The following KIF26B variants were observed in gnomAD, a reference collection of about 807,000 sequenced individuals.
The protein encoded by KIF26B is kinesin family member 26B.
In KIF26B, 63 loss-of-function variants were observed where a neutral mutation model predicts 151.2. The ratio of observed to expected loss-of-function variants is 0.42; its 90% CI spans 0.34 to 0.51. The LOEUF (loss-of-function observed/expected upper bound fraction) is 0.51. Among genes scored for constraint, KIF26B ranks in the 20% least tolerant of loss-of-function variants. KIF26B has a pLI of 0.07. For missense variants in KIF26B, 2,813 were observed against 2,913.6 expected, an observed-to-expected ratio of 0.97 and a Z score of 0.79; for synonymous variants, 1,357 against 1,262.1, an observed-to-expected ratio of 1.08 and a Z score of -1.59.
chr1:245,530,614 G>A (rs147111887), intron 4 of KIF26B, among the ~76,000 whole-genome samples: 185 of 152,328 alleles, frequency 1.2e-3, no homozygotes, highest in African/African-American at 4.4e-3. Context: ...TTTTATGTGT[G>A]CTGCCCAGAT....
At chr1:245,607,612 G>A in intron 6 of KIF26B, 39 bp from the exon 7 acceptor site, 1 of 1,538,222 alleles carries the variant, frequency 6.5e-7, no homozygotes, top group Non-Finnish European at 8.9e-7. Flanking sequence ...TCCGCTGCGA[G>A]GTCCATTCAC....
chr1:245,202,455 CTGTT>C (rs1573705233), intron 2 of KIF26B, among the ~76,000 whole-genome samples: 1 of 152,126 alleles, frequency 6.6e-6, no homozygotes, highest in Non-Finnish European at 1.5e-5. Context: ...CTCAGTTTCT[CTGTT>C]TGAAAATGGG....
chr1:245,250,813 T>A (rs533614285), intron 2 of KIF26B, among the ~76,000 whole-genome samples: 21 of 152,234 alleles, frequency 1.4e-4, no homozygotes, highest in Non-Finnish European at 2.5e-4. Context: ...TTTTAGGATA[T>A]TTGAATGTAA....
chr1:245,602,727 C>A lies in KIF26B; in HGVS notation c.1501C>A (p.Gln501Lys). 2 of 1,614,046 alleles carry A rather than the reference C, an allele frequency of 1.2e-6. No homozygotes were observed. The highest frequency in any genetic ancestry group is 2.2e-5 in the South Asian group (2 of 91,072). ...GQNAFQKRGN[Q>K]VPPKMFAFDA... ...AAATGCCTTCCAAAAGAGAGGCAAC[C>A]AGGTTCCTCCAAAGATGTTTGCCTT... Residue 501 changes from glutamine to lysine, a missense_variant, in exon 6 of 15, where the codon CAG becomes AAG. Coordinates refer to ENST00000407071, the MANE Select transcript of KIF26B (RefSeq NM_018012.4). This position sits in a 1 kb window ranked among gnomAD's most constrained non-coding sequence, Gnocchi z 4.5.
At chr1:245,188,441 C>A (rs1260456039) in intron 2 of KIF26B, among the ~76,000 whole-genome samples, 9 of 152,254 alleles carry the variant, frequency 5.9e-5, no homozygotes, top group African/African-American at 2.2e-4. Context: ...ATCTTACTTT[C>A]CTACCATCAT....
chr1:245,596,845 C>T (rs914592588), intron 5 of KIF26B, among the ~76,000 whole-genome samples: 1 of 152,160 alleles, frequency 6.6e-6, no homozygotes, highest in Non-Finnish European at 1.5e-5. Flanking sequence ...TATTTAGGAT[C>T]ATTAGCTCTG....
chr1:245,617,200 G>A (rs753618255), intron 9 of KIF26B, among the ~76,000 whole-genome samples: 12 of 152,122 alleles, frequency 7.9e-5, no homozygotes, highest in African/African-American at 1.2e-4. Flanking sequence ...GGTTCCCCGC[G>A]ATTCTCCTGC....
chr1:245,602,626 A>G lies in KIF26B; in HGVS notation c.1400A>G (p.Glu467Gly), dbSNP rs759400766. ...ICSTLARDTS[E>G]SSSFLKVDPR... ...TCCACCTTGGCTCGAGATACTTCAG[A>G]ATCCAGCTCTTTCTTAAAGGTGGAC... The change falls in exon 6 of 15, where the codon GAA becomes GGA. Residue 467 changes from glutamate (E) to glycine (G), a missense_variant. Glu to Gly is a moderately conservative substitution (Grantham distance 98). This residue lies in a region of KIF26B where 676 missense variants were observed against 688.1 expected (regional missense o/e 0.98). Coordinates refer to ENST00000407071, the MANE Select transcript of KIF26B (RefSeq NM_018012.4). This position sits in a 1 kb window ranked among gnomAD's most constrained non-coding sequence, Gnocchi z 4.5. 6.2e-6 allele frequency: 10 copies of G among 1,613,894 alleles called. No homozygotes were observed. Among genetic ancestry groups the G allele is most frequent in the Non-Finnish European group, 8.5e-6 (10 of 1,179,882 alleles).
At chr1:245,415,299 A>G (rs1069215) in intron 3 of KIF26B, among the ~76,000 whole-genome samples, 6,700 of 152,244 alleles carry the variant, frequency 0.044, 485 homozygotes, top group African/African-American at 0.15. Flanking sequence ...TGCTTCTTTC[A>G]TAGCCAGATC....
chr1:245,384,022 T>C (rs1438902479), intron 3 of KIF26B, among the ~76,000 whole-genome samples: 1 of 152,198 alleles, frequency 6.6e-6, no homozygotes, highest in African/African-American at 2.4e-5. Flanking sequence ...TTCCATTCCC[T>C]CTTCTGCCAC....
chr1:245,228,529 A>G (rs562671649), intron 2 of KIF26B, among the ~76,000 whole-genome samples: 5 of 150,988 alleles, frequency 3.3e-5, no homozygotes, highest in African/African-American at 1.2e-4. Flanking sequence ...TTGCACCACC[A>G]CACTCCACCC....
In KIF26B at chr1:245,687,275, CAAAG is replaced by C; in HGVS notation, c.4298_4301del (p.Lys1433ArgfsTer2). 6.2e-7 allele frequency: 1 copy of C among 1,610,894 alleles called. No individual in the cohort carries two copies. The highest frequency in any genetic ancestry group is 8.5e-7 in the Non-Finnish European group (1 of 1,179,058). The stretch of plus-strand genomic sequence containing the variant: ...TCCCGGGAGAGTAAGGAAAACAGTG[CAAAG>C]AAAGAGATGAAATTTGAGGACCCGT... On this transcript the variant is annotated frameshift_variant, in exon 12 of 15. Transcript: ENST00000407071. LOFTEE classifies it high-confidence loss of function. This position sits in a 1 kb window ranked among gnomAD's most constrained non-coding sequence, Gnocchi z 4.9.
rs143383545 is a variant in KIF26B, at chr1:245,354,963, C to G, written c.466-11871C>G. On this transcript the variant is annotated intron_variant, in intron 2 of 14. Transcript: ENST00000407071. The stretch of plus-strand genomic sequence containing the variant: ...TGAGACGGAGTCTCGCTCTGTCACC[C>G]AGGCTAGAGTGCACTGGCGCGATCT... Among the ~76,000 whole-genome samples, 122 of 152,308 alleles carry G rather than the reference C, an allele frequency of 8.0e-4. 2 individuals carry two copies. In the East Asian group the frequency reaches 0.023, roughly 29 times the overall value.
At chr1:245,399,504 A>G (rs1673941951) in intron 3 of KIF26B, among the ~76,000 whole-genome samples, 2 of 152,236 alleles carry the variant, frequency 1.3e-5, no homozygotes, top group South Asian at 4.1e-4. Context: ...CTTATTGCCA[A>G]GGAGATCGTC....
At chr1:245,265,712 C>T (rs974757276) in intron 2 of KIF26B, among the ~76,000 whole-genome samples, 4 of 151,930 alleles carry the variant, frequency 2.6e-5, no homozygotes, top group African/African-American at 9.7e-5. Context: ...GTGATCCTCC[C>T]ACCTCAGCTA....
At chr1:245,185,865 ATTATTTTATT>A (rs1173099964) in intron 2 of KIF26B, among the ~76,000 whole-genome samples, 50 of 151,402 alleles carry the variant, frequency 3.3e-4, no homozygotes, top group African/African-American at 1.1e-3. Context: ...TTTTCTTTTT[ATTATTTTATT>A]TTATTTTATT....
intron 4 of KIF26B, among the ~76,000 whole-genome samples, chr1:245,487,249 A>G (rs543659185): frequency 1.1e-4 from 16 of 152,308 alleles, no homozygotes; most frequent in African/African-American, 3.8e-4. Flanking sequence ...AACAGATTTA[A>G]ACAGATTGGT....
At chr1:245,596,264 T>C (rs894713050) in intron 5 of KIF26B, among the ~76,000 whole-genome samples, 2 of 152,242 alleles carry the variant, frequency 1.3e-5, no homozygotes, top group African/African-American at 4.8e-5. Context: ...GTGTCGATTT[T>C]AGATCTTTCC....
chr1:245,577,860 C>A (rs1572137690), intron 5 of KIF26B, among the ~76,000 whole-genome samples: 1 of 148,712 alleles, frequency 6.7e-6, no homozygotes, highest in Admixed American at 6.7e-5. Context: ...GAACTCCGGG[C>A]GATGCATCCC....
Sources: allele counts gnomAD v4.1 joint callset (sites outside exome capture counted in the v4.1 genomes callset), GRCh38; gene constraint gnomAD v4.1.1; regional missense constraint gnomAD v4.1.1; non-coding constraint Gnocchi (gnomAD v3.1); transcripts MANE v1.5; gene names NCBI Gene and HGNC (gene_info 2026-07-23, HGNC 2026-07-21).